Variants in TECRL observed in about 807,000 individuals in gnomAD.
The protein encoded by TECRL is trans-2,3-enoyl-CoA reductase like.
Under a neutral mutation model 52.8 loss-of-function variants are expected in TECRL, and 63 were observed. The ratio of observed to expected loss-of-function variants is 1.19; its 90% CI spans 0.97 to 1.47. TECRL has a LOEUF of 1.47. Among genes scored for constraint, TECRL ranks in the 40% most tolerant of loss-of-function variants. The pLI, the probability that TECRL is intolerant of heterozygous loss-of-function variation, is 0.00. For synonymous variants in TECRL, 164 were observed against 141.9 expected (o/e 1.16, Z -1.10); for missense variants, 482 against 429.6 (o/e 1.12, Z -1.08).
Position 64,281,539 on chromosome 4 carries a change from T to C in TECRL, c.853A>G (p.Ser285Gly), listed in dbSNP as rs773551131. 2 of 1,603,148 alleles carry C rather than the reference T, an allele frequency of 1.2e-6. No individual in the cohort carries two copies. The highest frequency in any genetic ancestry group is 3.4e-5 in the Admixed American group (2 of 58,208). Residue 285 changes from serine to glycine, a missense_variant, in exon 10 of 12, where the codon AGT (serine) becomes GGT (glycine). Transcript: ENST00000381210. Reference sequence around the variant, plus strand: ...CATGTGAAGGGGTTATAATTTGGACTTGGGAAACAGGCATTGTTTCCTTTT... The same window carrying C: ...CATGTGAAGGGGTTATAATTTGGACCTGGGAAACAGGCATTGTTTCCTTTT... ...NHTGNNACFP[S>G]PNYNPFTWMF... is the part of the protein sequence containing the mutation.
intron 1 of TECRL, among the ~76,000 whole-genome samples, chr4:64,400,724 C>G (rs1994143): frequency 2.8e-3 from 418 of 151,890 alleles, no homozygotes; most frequent in African/African-American, 9.4e-3. Context: ...CATCTCCCCT[C>G]TCTTCCTCTT....
intron 1 of TECRL, 64 bp from the exon 2 acceptor site, chr4:64,375,287 GAAAA>G: frequency 1.1e-6 from 1 of 894,410 alleles, no homozygotes; most frequent in South Asian, 2.4e-5. Flanking sequence ...ATCCATTTAA[GAAAA>G]AAAAGTTTAA....
Position 64,322,700 on chromosome 4 carries a change from T to G in TECRL, c.424A>C (p.Ser142Arg). The G allele has an allele frequency of 6.2e-7, 1 of 1,603,074 alleles. No individual in the cohort carries two copies. The highest frequency in any genetic ancestry group is 8.5e-7 in the Non-Finnish European group (1 of 1,174,162). ...AAATTAACACTTACTGTGGTCCAAC[T>G]GACTTGTTGACCTAGGTCTGTAGCA... Reference protein sequence around the residue: ...LYATDLGQQVSWTTVFLAEYT... With the variant: ...LYATDLGQQVRWTTVFLAEYT... The change falls in exon 4 of 12, where the codon AGT (serine) becomes CGT (arginine). Residue 142 changes from serine (S) to arginine (R), a missense_variant. By Grantham distance (110) the Ser-to-Arg change is moderately radical. Coordinates refer to ENST00000381210, the MANE Select transcript of TECRL (RefSeq NM_001010874.5).
intron 5 of TECRL, among the ~76,000 whole-genome samples, chr4:64,313,559 G>A (rs1160694387): frequency 1.5e-5 from 2 of 134,644 alleles, no homozygotes; most frequent in Non-Finnish European, 3.0e-5. Flanking sequence ...TCAGCTCACT[G>A]CAAGCTCCAC....
chr4:64,329,020 G>A lies in TECRL; in HGVS notation c.287-464C>T, dbSNP rs143371847. 8.6e-3 allele frequency among the ~76,000 whole-genome samples: 1,300 copies of A among 151,954 alleles called. 10 individuals are homozygous for A. Among genetic ancestry groups the A allele is most frequent in the Middle Eastern group, 0.034 (10 of 292 alleles). On this transcript the variant is annotated intron_variant, in intron 2 of 11. Transcript: ENST00000381210. The stretch of plus-strand genomic sequence containing the variant: ...ACTAAGATGTCTATCAGAATTATAT[G>A]TATCATTGACTTTTAATATTATGAG...
rs892631766 is a variant in TECRL at position 64,314,680 on chromosome 4, C to G, written c.519G>C (p.Glu173Asp). 3.7e-6 allele frequency: 6 copies of G among 1,611,966 alleles called. No homozygotes were observed. The highest frequency in any genetic ancestry group is 2.2e-5 in the East Asian group (1 of 44,772). The change falls in exon 5 of 12, where the codon GAG becomes GAC. Residue 173 changes from glutamate (E) to aspartate (D), a missense_variant. Transcript: ENST00000381210. ...CTGGGTGGCGTAATCTTCTAGCACT[C>G]TCTTTTCCATCATATATACATGGGA... Reference protein sequence around the residue: ...LRIPCIYDGKESARRLRHPVV... With the variant: ...LRIPCIYDGKDSARRLRHPVV...
chr4:64,341,715 C>T (rs938894793), intron 2 of TECRL, among the ~76,000 whole-genome samples: 4 of 152,178 alleles, frequency 2.6e-5, no homozygotes, highest in Non-Finnish European at 5.9e-5. Flanking sequence ...CTTCCAGAGC[C>T]AGGCCTGTGA....
At chr4:64,386,908 C>G (rs765727441) in intron 1 of TECRL, among the ~76,000 whole-genome samples, 25 of 152,116 alleles carry the variant, frequency 1.6e-4, no homozygotes, top group Non-Finnish European at 3.1e-4. Context: ...ACATTTTTTA[C>G]AACGGATATA....
chr4:64,282,029 T>C lies in TECRL; in HGVS notation c.833-470A>G, dbSNP rs10003704. Among the ~76,000 whole-genome samples the C allele has an allele frequency of 3.8e-3, 575 of 152,034 alleles. 1 individual carries two copies. Among genetic ancestry groups the C allele is most frequent in the African/African-American group, 0.013 (539 of 41,536 alleles). ...TTGGTGAAAGTCATAAGGAATTTTA[T>C]AAAGATGTCATTTATACCAGAAAAG... On this transcript the variant is annotated intron_variant, in intron 9 of 11. Coordinates refer to ENST00000381210, the MANE Select transcript of TECRL (RefSeq NM_001010874.5).
intron 1 of TECRL, among the ~76,000 whole-genome samples, chr4:64,405,312 T>C (rs1724632379): frequency 6.6e-6 from 1 of 152,068 alleles, no homozygotes; most frequent in Non-Finnish European, 1.5e-5. Context: ...TTGAAAGTGA[T>C]AAAGACACAA....
At chr4:64,323,424 G>A (rs1284775776) in intron 3 of TECRL, among the ~76,000 whole-genome samples, 5 of 151,930 alleles carry the variant, frequency 3.3e-5, no homozygotes, top group Non-Finnish European at 7.4e-5. Flanking sequence ...ACAACAAAAA[G>A]TGTAATTTTG....
intron 2 of TECRL, among the ~76,000 whole-genome samples, chr4:64,344,158 T>C (rs894781229): frequency 6.6e-6 from 1 of 151,474 alleles, no homozygotes; most frequent in Non-Finnish European, 1.5e-5. Flanking sequence ...AAAAAACTCA[T>C]ATATATATAT....
intron 9 of TECRL, among the ~76,000 whole-genome samples, chr4:64,288,285 G>A (rs1009927766): frequency 1.3e-5 from 2 of 152,154 alleles, no homozygotes; most frequent in Non-Finnish European, 2.9e-5. Flanking sequence ...TTTTGTGAGA[G>A]CCTTGAAGAT....
intron 1 of TECRL, among the ~76,000 whole-genome samples, chr4:64,394,906 C>CA: frequency 7.3e-6 from 1 of 136,534 alleles, no homozygotes; most frequent in Admixed American, 7.6e-5. Context: ...AATTAACAAG[C>CA]ATTTTTTTTT....
chr4:64,330,346 A>T (rs971543071), intron 2 of TECRL, among the ~76,000 whole-genome samples: 1 of 152,098 alleles, frequency 6.6e-6, no homozygotes, highest in African/African-American at 2.4e-5. Flanking sequence ...GCGACCTCTT[A>T]AGGATACTTA....
chr4:64,406,709 T>C (rs1724751843), intron 1 of TECRL, among the ~76,000 whole-genome samples: 1 of 152,068 alleles, frequency 6.6e-6, no homozygotes, highest in African/African-American at 2.4e-5. Flanking sequence ...TCAGTGACTT[T>C]CTTACTCCTT....
intron 1 of TECRL, among the ~76,000 whole-genome samples, chr4:64,403,474 C>T (rs1022105248): frequency 2.5e-4 from 25 of 100,908 alleles, no homozygotes; most frequent in Admixed American, 1.1e-4. Flanking sequence ...CCTCCCTGAG[C>T]GCACACACAC....
intron 2 of TECRL, among the ~76,000 whole-genome samples, chr4:64,340,799 C>A (rs1719514508): frequency 6.6e-6 from 1 of 152,200 alleles, no homozygotes; most frequent in African/African-American, 2.4e-5. Context: ...GGGATGTGAA[C>A]TTGTGGTGTC....
At chr4:64,382,113 A>ACCT (rs1722835009) in intron 1 of TECRL, among the ~76,000 whole-genome samples, 1 of 149,074 alleles carries the variant, frequency 6.7e-6, no homozygotes, top group African/African-American at 2.5e-5. Context: ...CAGTTTTGTT[A>ACCT]CTCATTATTG....
Sources: gnomAD v4.1 joint callset for allele counts (sites outside exome capture counted in the v4.1 genomes callset) on GRCh38, gnomAD v4.1.1 for gene constraint, MANE v1.5 for transcripts, NCBI Gene and HGNC (gene_info 2026-07-23, HGNC 2026-07-21) for gene names.